The following CT45A10 variants were observed in gnomAD, a reference collection of about 807,000 sequenced individuals.
The protein encoded by CT45A10 is cancer/testis antigen family 45 member A10.
In CT45A10, 19 loss-of-function variants were observed where a neutral mutation model predicts 8.3. That is an observed-to-expected ratio of 2.30 (90% CI 1.61 to 3.38). The LOEUF is 3.38. CT45A10 is among the 30% of genes most tolerant of loss of function. CT45A10 has a pLI of 0.00. For missense variants in CT45A10, 149 were observed against 85.9 expected, an observed-to-expected ratio of 1.73 and a Z score of -2.90; for synonymous variants, 28 against 26.5, an observed-to-expected ratio of 1.06 and a Z score of -0.17.
intron 4 of CT45A10, among the ~76,000 whole-genome samples, chrX:135,882,200 T>A (rs1478052792): frequency 1.6e-4 from 6 of 37,929 alleles, no homozygotes; most frequent in Non-Finnish European, 3.0e-4. Context: ...CACATTGTTG[T>A]CCGTATCACA....
intron 3 of CT45A10, 63 bp downstream of exon 3, chrX:135,882,945 T>A: frequency 8.6e-7 from 1 of 1,157,601 alleles, no homozygotes; most frequent in Non-Finnish European, 1.2e-6. Flanking sequence ...ATGGATATCT[T>A]CTGAATCATA....
In CT45A10 at chrX:135,882,956, G is replaced by C; in HGVS notation, c.418+52C>G. 1.0e-5 allele frequency: 12 copies of C among 1,172,658 alleles called. No individual in the cohort carries two copies. The South Asian group carries it at 1.7e-4, about 17-fold the overall frequency. ...TAACATGGATATCTTCTGAATCATA[G>C]AAAGAGTGACTTCCTACAGTTTTAT... On this transcript the variant is annotated intron_variant, in intron 3 of 4. Transcript: ENST00000682849.
At position 135,883,000 on chromosome X, in the gene CT45A10, C is replaced by A. The variant is rs2088400061; in HGVS notation, c.418+8G>T. ...GTTTTATAAAACAGACGTTCTTACA[C>A]TACTTACTTCGTCCAAGGCATCGGA... On this transcript the variant is annotated splice_region_variant and intron_variant, in intron 3 of 4. Coordinates refer to ENST00000682849, the MANE Select transcript of CT45A10 (RefSeq NM_001291529.2). The A allele has an allele frequency of 5.0e-6, 6 of 1,195,765 alleles. No individual in the cohort carries two copies. The highest frequency in any genetic ancestry group is 4.4e-5 in the Admixed American group (2 of 45,450).
rs1367877577 is a variant in CT45A10, at chrX:135,883,324, A to G, written c.170-68T>C. The G allele has an allele frequency of 7.9e-5, 94 of 1,189,011 alleles. 3 individuals carry two copies. The highest frequency in any genetic ancestry group is 2.9e-4 in the Admixed American group (13 of 45,161). ...GACCACTTTCTTTCCCCTCCACATA[A>G]ACCTCATGAATGACAGATCTGGAAA... On this transcript the variant is annotated intron_variant, in intron 2 of 4. Transcript: ENST00000682849.
chrX:135,892,242 G>A (rs1036527442), intron 1 of CT45A10, among the ~76,000 whole-genome samples: 4 of 110,994 alleles, frequency 3.6e-5, no homozygotes, highest in African/African-American at 9.9e-5. Context: ...GAGCCTGGGA[G>A]CCCAAAAAAC....
chrX:135,892,406 C>T (rs895659907), intron 1 of CT45A10, among the ~76,000 whole-genome samples: 1 of 111,854 alleles, frequency 8.9e-6, no homozygotes, highest in Non-Finnish European at 1.9e-5. Flanking sequence ...GTGCATGTGG[C>T]GAATCTGGAA....
intron 1 of CT45A10, among the ~76,000 whole-genome samples, chrX:135,891,241 G>A (rs1243960741): frequency 1.8e-5 from 2 of 110,421 alleles, no homozygotes; most frequent in African/African-American, 3.3e-5. Flanking sequence ...AGAATACATT[G>A]TTTAATTAGA....
At chrX:135,890,838 T>C (rs1344159982) in intron 1 of CT45A10, among the ~76,000 whole-genome samples, 1 of 112,168 alleles carries the variant, frequency 8.9e-6, no homozygotes, top group East Asian at 2.8e-4. Flanking sequence ...GCTAAGACAA[T>C]CTTTAAGAAA....
intron 1 of CT45A10, chrX:135,889,259 A>G (rs1238758795): frequency 1.1e-4 from 16 of 148,283 alleles, no homozygotes; most frequent in Non-Finnish European, 1.6e-4. Flanking sequence ...GCGGGATGAA[A>G]TCGCCTGGGT....
intron 1 of CT45A10, among the ~76,000 whole-genome samples, chrX:135,889,805 A>C (rs2088482219): frequency 1.0e-5 from 1 of 99,668 alleles, no homozygotes; most frequent in Non-Finnish European, 2.1e-5. Flanking sequence ...ACAAGACAGG[A>C]GGAAAGAAAG....
At chrX:135,890,887 A>T (rs1479359604) in intron 1 of CT45A10, among the ~76,000 whole-genome samples, 2 of 112,092 alleles carry the variant, frequency 1.8e-5, no homozygotes, top group Admixed American at 9.5e-5. Context: ...TAAATATGAG[A>T]TTTACTATAA....
chrX:135,888,213 C>T (rs1386451347), intron 1 of CT45A10, among the ~76,000 whole-genome samples: 2 of 112,909 alleles, frequency 1.8e-5, no homozygotes, highest in East Asian at 5.6e-4. Flanking sequence ...ATCCAGTAAG[C>T]GTCCACAACG....
chrX:135,883,653 G>A (rs1429877874), intron 2 of CT45A10, among the ~76,000 whole-genome samples: 5 of 88,305 alleles, frequency 5.7e-5, no homozygotes, highest in African/African-American at 1.7e-4. Context: ...AAAGCAGCAA[G>A]TCTCACTTGA....
In CT45A10 at chrX:135,883,035, C is replaced by T; in HGVS notation, c.391G>A (p.Val131Met). Residue 131 changes from valine (V) to methionine (M), a missense_variant, in exon 3 of 5, where the codon GTG becomes ATG. Transcript: ENST00000682849. ...EINADIKCQV[V>M]KEIRCLGRKY... is the part of the protein sequence containing the mutation. Reference sequence around the variant, plus strand: ...CGTCCAAGGCATCGGATTTCCTTCACTACTTGACATTTTATATCAGCATTA... The same window carrying T: ...CGTCCAAGGCATCGGATTTCCTTCATTACTTGACATTTTATATCAGCATTA... 1 of 1,198,702 alleles carries T rather than the reference C, an allele frequency of 8.3e-7. No homozygotes were observed. The highest frequency in any genetic ancestry group is 1.1e-6 in the Non-Finnish European group (1 of 885,682).
At chrX:135,890,697 A>G (rs1313737820) in intron 1 of CT45A10, among the ~76,000 whole-genome samples, 1 of 112,246 alleles carries the variant, frequency 8.9e-6, no homozygotes, top group Non-Finnish European at 1.9e-5. Context: ...CATTATTAAG[A>G]GACATTATTG....
Position 135,883,030 on chromosome X carries a change from C to T in CT45A10, c.396G>A (p.Lys132=). ...TACTTCGTCCAAGGCATCGGATTTC[C>T]TTCACTACTTGACATTTTATATCAG... ...INADIKCQVV[K]EIRCLGRKYE... Residue 132 remains lysine (K), a synonymous_variant, in exon 3 of 5, where the codon AAG becomes AAA. Transcript: ENST00000682849. The T allele has an allele frequency of 1.7e-6, 2 of 1,198,483 alleles. No homozygotes were observed. Among genetic ancestry groups the T allele is most frequent in the South Asian group, 1.8e-5 (1 of 55,976 alleles).
chrX:135,892,194 C>T (rs781941446), intron 1 of CT45A10, among the ~76,000 whole-genome samples: 91 of 111,061 alleles, frequency 8.2e-4, no homozygotes, highest in Admixed American at 1.8e-3. Context: ...TGGTGGCATG[C>T]GCTTGTAGTC....
chrX:135,883,107 G>C lies in CT45A10; in HGVS notation c.319C>G (p.Leu107Val). The change falls in exon 3 of 5, where the codon CTA (leucine) becomes GTA (valine). Residue 107 changes from leucine (L) to valine (V), a missense_variant. By Grantham distance (32) the Leu-to-Val change is conservative (BLOSUM62 1). Transcript: ENST00000682849. ...NVTSNFSGDD[L>V]ECRGIASSPK... is the part of the protein sequence containing the mutation. ...GAGGAGGCTATTCCTCTGCATTCTA[G>C]GTCATCTCCAGAGAAATTGCTGGTA... The C allele has an allele frequency of 5.0e-6, 6 of 1,198,786 alleles. No individual in the cohort carries two copies. Among genetic ancestry groups the C allele is most frequent in the South Asian group, 3.6e-5 (2 of 56,009 alleles).
chrX:135,890,254 C>T (rs1250929490), intron 1 of CT45A10, among the ~76,000 whole-genome samples: 1 of 112,499 alleles, frequency 8.9e-6, no homozygotes, highest in Non-Finnish European at 1.9e-5. Flanking sequence ...AACGGACAGT[C>T]GAGGCAGCCC....
Sources: gnomAD v4.1 joint callset for allele counts (sites outside exome capture counted in the v4.1 genomes callset) on GRCh38, gnomAD v4.1.1 for gene constraint, MANE v1.5 for transcripts, NCBI Gene and HGNC (gene_info 2026-07-23, HGNC 2026-07-21) for gene names.